CNTNAP2: variants seen among roughly 807,000 people sequenced by gnomAD.
CNTNAP2 encodes the protein contactin associated protein 2.
A neutral mutation model predicts 155.2 loss-of-function variants in CNTNAP2; 98 were observed. The ratio of observed to expected loss-of-function variants is 0.63; its 90% CI spans 0.54 to 0.75. The LOEUF is 0.75. Among genes scored for constraint, CNTNAP2 ranks in the 30% least tolerant of loss-of-function variants. The pLI is 0.00. For missense variants in CNTNAP2, 1,727 were observed against 1,688.1 expected (o/e 1.02, Z -0.40); for synonymous variants, 651 against 631.2 (o/e 1.03, Z -0.47).
At chr7:146,757,067 G>A (rs188080227) in intron 1 of CNTNAP2, among the ~76,000 whole-genome samples, 50 of 152,074 alleles carry the variant, frequency 3.3e-4, no homozygotes, top group Non-Finnish European at 5.9e-4. Flanking sequence ...TGAACATTTC[G>A]AGTCAGTGAT....
chr7:147,939,768 C>A (rs1800682570), intron 14 of CNTNAP2, among the ~76,000 whole-genome samples: 1 of 151,872 alleles, frequency 6.6e-6, no homozygotes, highest in Non-Finnish European at 1.5e-5. Context: ...AGGCAAGTGT[C>A]CATTTCCAAT....
chr7:146,783,372 A>G (rs1398138609), intron 2 of CNTNAP2, among the ~76,000 whole-genome samples: 1 of 152,194 alleles, frequency 6.6e-6, no homozygotes, highest in Non-Finnish European at 1.5e-5. Context: ...CACCTCCCCA[A>G]ATGAATGAGA....
At chr7:146,701,081 C>G (rs151038977) in intron 1 of CNTNAP2, among the ~76,000 whole-genome samples, 3 of 151,978 alleles carry the variant, frequency 2.0e-5, no homozygotes, top group African/African-American at 4.8e-5. Context: ...GATGATTTTT[C>G]CAAGTGATTT....
At chr7:146,443,765 C>A (rs1029254521) in intron 1 of CNTNAP2, among the ~76,000 whole-genome samples, 1 of 152,166 alleles carries the variant, frequency 6.6e-6, no homozygotes, top group African/African-American at 2.4e-5. Flanking sequence ...GAGCTGCTAT[C>A]CTAGCGCTGT....
chr7:146,244,328 C>T (rs530560696), intron 1 of CNTNAP2, among the ~76,000 whole-genome samples: 121 of 152,184 alleles, frequency 8.0e-4, no homozygotes, highest in African/African-American at 2.9e-3. Context: ...GCAGGGCATG[C>T]ATGAGTAGTT....
chr7:146,434,553 A>G (rs75763918), intron 1 of CNTNAP2, among the ~76,000 whole-genome samples: 1 of 152,200 alleles, frequency 6.6e-6, no homozygotes, highest in African/African-American at 2.4e-5. Context: ...GTTTGCAGGC[A>G]TGATACGCTT....
intron 3 of CNTNAP2, among the ~76,000 whole-genome samples, chr7:146,877,433 A>G (rs1795451475): frequency 6.6e-5 from 10 of 151,932 alleles, no homozygotes; most frequent in Admixed American, 6.6e-4. Context: ...TGAGCCCACA[A>G]ATTTGAGGAT....
At chr7:146,740,874 T>C (rs1801704086) in intron 1 of CNTNAP2, among the ~76,000 whole-genome samples, 2 of 152,192 alleles carry the variant, frequency 1.3e-5, no homozygotes, top group African/African-American at 2.4e-5. Context: ...GGCAGTTGTG[T>C]AGGCCAGAGA....
intron 1 of CNTNAP2, among the ~76,000 whole-genome samples, chr7:146,293,732 T>A (rs1303136761): frequency 6.6e-6 from 1 of 152,126 alleles, no homozygotes; most frequent in Non-Finnish European, 1.5e-5. Flanking sequence ...GCTCATTGGG[T>A]TTCTTTTTAA....
At chr7:148,315,079 G>A (rs972503966) in intron 21 of CNTNAP2, among the ~76,000 whole-genome samples, 1 of 152,172 alleles carries the variant, frequency 6.6e-6, no homozygotes, top group African/African-American at 2.4e-5. Context: ...TTGGTGAGAT[G>A]TTCCTTGGGC....
At chr7:146,189,203 A>G (rs1798667599) in intron 1 of CNTNAP2, among the ~76,000 whole-genome samples, 1 of 152,190 alleles carries the variant, frequency 6.6e-6, no homozygotes. Flanking sequence ...TACTCTCTCA[A>G]TCTGTAAAAT....
intron 1 of CNTNAP2, among the ~76,000 whole-genome samples, chr7:146,627,742 A>G (rs1799443762): frequency 6.6e-6 from 1 of 152,186 alleles, no homozygotes; most frequent in South Asian, 2.1e-4. Context: ...TCTGTTCACC[A>G]ACTTCCTTAT....
intron 1 of CNTNAP2, among the ~76,000 whole-genome samples, chr7:146,408,412 T>A (rs957336858): frequency 6.6e-6 from 1 of 152,106 alleles, no homozygotes; most frequent in Non-Finnish European, 1.5e-5. Flanking sequence ...TTTAAATTCT[T>A]AAGGCAAATT....
intron 2 of CNTNAP2, among the ~76,000 whole-genome samples, chr7:146,799,682 C>A (rs1476754788): frequency 6.6e-6 from 1 of 152,210 alleles, no homozygotes; most frequent in Non-Finnish European, 1.5e-5. Flanking sequence ...GACTCCTCCA[C>A]ACAAAATTAC....
intron 17 of CNTNAP2, among the ~76,000 whole-genome samples, chr7:148,151,303 A>G (rs1585153612): frequency 6.6e-6 from 1 of 152,008 alleles, no homozygotes; most frequent in South Asian, 2.1e-4. Flanking sequence ...ATTATTAATA[A>G]TAGTAGTAGT....
chr7:147,710,630 A>C (rs993336541), intron 13 of CNTNAP2, among the ~76,000 whole-genome samples: 37 of 152,146 alleles, frequency 2.4e-4, no homozygotes, highest in African/African-American at 8.2e-4. Flanking sequence ...CCGTTCCCTA[A>C]ATGTTGCTCT....
At chr7:146,246,150 G>C (rs1043020947) in intron 1 of CNTNAP2, among the ~76,000 whole-genome samples, 2 of 151,734 alleles carry the variant, frequency 1.3e-5, no homozygotes, top group African/African-American at 2.4e-5. Context: ...GTGGGGTAAG[G>C]GTGATTAGGT....
At chr7:146,715,814 G>A (rs1351883510) in intron 1 of CNTNAP2, among the ~76,000 whole-genome samples, 1 of 152,120 alleles carries the variant, frequency 6.6e-6, no homozygotes, top group East Asian at 1.9e-4. Flanking sequence ...AAAAATATGT[G>A]AACCACAGCT....
At chr7:146,884,309 C>T (rs944713721) in intron 3 of CNTNAP2, among the ~76,000 whole-genome samples, 4 of 152,058 alleles carry the variant, frequency 2.6e-5, no homozygotes, top group Admixed American at 2.0e-4. Flanking sequence ...GTGTGAGGTT[C>T]AACTGTGCTT....
Sources: allele counts gnomAD v4.1 joint callset (sites outside exome capture counted in the v4.1 genomes callset), GRCh38; gene constraint gnomAD v4.1.1; transcripts MANE v1.5; gene names NCBI Gene and HGNC (gene_info 2026-07-23, HGNC 2026-07-21).